Variants in ARHGAP15 observed in about 807,000 individuals in gnomAD.
ARHGAP15 encodes the protein rho GTPase-activating protein 15.
A neutral mutation model predicts 63.7 loss-of-function variants in ARHGAP15; 51 were observed. The ratio of observed to expected loss-of-function variants is 0.80; its 90% CI spans 0.64 to 1.01. The LOEUF (loss-of-function observed/expected upper bound fraction) is 1.01, where lower values mean the gene tolerates loss of function less well. Ranked by LOEUF, ARHGAP15 falls within the 50% of genes least tolerant of loss-of-function variation. ARHGAP15 has a pLI of 0.00. For synonymous variants in ARHGAP15, 191 were observed against 193.8 expected (o/e 0.99, Z 0.12); for missense variants, 560 against 564.6 (o/e 0.99, Z 0.08).
intron 11 of ARHGAP15, chr2:143,608,731 G>T (rs894191348): frequency 6.6e-6 from 1 of 152,078 alleles, no homozygotes; most frequent in African/African-American, 2.4e-5. Flanking sequence ...ATGCAAAAAG[G>T]TTTGAAATAA....
At chr2:143,570,144 T>G (rs1338327357) in intron 11 of ARHGAP15, among the ~76,000 whole-genome samples, 1 of 152,196 alleles carries the variant, frequency 6.6e-6, no homozygotes, top group African/African-American at 2.4e-5. Flanking sequence ...AATGTGTCCC[T>G]TACAACCATC....
intron 6 of ARHGAP15, among the ~76,000 whole-genome samples, chr2:143,353,026 A>G (rs1363977539): frequency 1.3e-5 from 2 of 152,190 alleles, no homozygotes; most frequent in East Asian, 3.8e-4. Flanking sequence ...GACATATAAC[A>G]TTGAACTAGA....
chr2:143,408,145 G>A lies in ARHGAP15; in HGVS notation c.475-27456G>A, dbSNP rs191517213. The stretch of plus-strand genomic sequence containing the variant: ...TGTTCATTAATCTTGGTATAGAAAG[G>A]GTTGATTTCAATTTCAAACTATTTA... On this transcript the variant is annotated intron_variant, in intron 6 of 13. Coordinates refer to ENST00000295095, the MANE Select transcript of ARHGAP15 (RefSeq NM_018460.4). Among the ~76,000 whole-genome samples, 10 of 148,390 alleles carry A rather than the reference G, an allele frequency of 6.7e-5. No individual in the cohort carries two copies. In the South Asian group the frequency reaches 2.1e-3, roughly 31 times the overall value.
chr2:143,729,998 G>T (rs1685454758), intron 13 of ARHGAP15, among the ~76,000 whole-genome samples: 1 of 152,102 alleles, frequency 6.6e-6, no homozygotes, highest in Non-Finnish European at 1.5e-5. Flanking sequence ...ATTAATAGAG[G>T]TCAGGAATTG....
chr2:143,544,769 C>T (rs533242137), intron 10 of ARHGAP15, among the ~76,000 whole-genome samples: 1 of 152,306 alleles, frequency 6.6e-6, no homozygotes, highest in Admixed American at 6.5e-5. Flanking sequence ...TAGAATTGAT[C>T]TGTTCTTCCA....
chr2:143,228,543 G>C (rs1693310210), intron 4 of ARHGAP15, 38 bp from the exon 5 acceptor site: 2 of 1,413,376 alleles, frequency 1.4e-6, no homozygotes, highest in Non-Finnish European at 2.0e-6. Flanking sequence ...TTCTTCAACT[G>C]ATAATGCTTT....
chr2:143,348,376 C>T (rs561067732), intron 6 of ARHGAP15, among the ~76,000 whole-genome samples: 4 of 151,842 alleles, frequency 2.6e-5, no homozygotes, highest in African/African-American at 7.3e-5. Flanking sequence ...CTATTTTTTT[C>T]GAAAGTGCCT....
Position 143,148,892 on chromosome 2 carries a change from A to T in ARHGAP15, c.-14-6585A>T, listed in dbSNP as rs569817069. On this transcript the variant is annotated intron_variant, in intron 1 of 13. Coordinates refer to ENST00000295095, the MANE Select transcript of ARHGAP15 (RefSeq NM_018460.4). ...GGAAAGTGAAATGGAAGGAAACTGA[A>T]ATTAAAATGCTATTTTGGTAAATGG... is the stretch of plus-strand genomic sequence containing the variant. Among the ~76,000 whole-genome samples, 3 of 152,174 alleles carry T rather than the reference A, an allele frequency of 2.0e-5. No individual in the cohort carries two copies. In the South Asian group the frequency reaches 6.2e-4, roughly 31 times the overall value.
intron 9 of ARHGAP15, among the ~76,000 whole-genome samples, chr2:143,492,546 G>T (rs1296579919): frequency 6.6e-6 from 1 of 152,132 alleles, no homozygotes; most frequent in African/African-American, 2.4e-5. Context: ...ACTGCCTGAG[G>T]TCAGGGTTCA....
At chr2:143,680,083 G>C (rs1683032620) in intron 12 of ARHGAP15, among the ~76,000 whole-genome samples, 1 of 144,070 alleles carries the variant, frequency 6.9e-6, no homozygotes, top group Non-Finnish European at 1.5e-5. Flanking sequence ...AAGACAATTT[G>C]CCATGGAGGA....
At chr2:143,281,587 C>T (rs564645918) in intron 6 of ARHGAP15, among the ~76,000 whole-genome samples, 5 of 152,024 alleles carry the variant, frequency 3.3e-5, no homozygotes, top group South Asian at 2.1e-4. Flanking sequence ...TCCCGGGAAA[C>T]GGGCCTAAGA....
Position 143,185,768 on chromosome 2 carries a change from C to T in ARHGAP15, c.166-16366C>T, listed in dbSNP as rs752692938. Among the ~76,000 whole-genome samples, 69 of 152,124 alleles carry T rather than the reference C, an allele frequency of 4.5e-4. 1 individual carries two copies. The highest frequency in any genetic ancestry group is 3.9e-4 in the Admixed American group (6 of 15,266). On this transcript the variant is annotated intron_variant, in intron 2 of 13. Coordinates refer to ENST00000295095, the MANE Select transcript of ARHGAP15 (RefSeq NM_018460.4). ...CCAGGTAAAAGTGCTTTCTCTTAAG[C>T]AGAAATTTTAAATGATGTTTTGTAG...
At chr2:143,397,731 G>T (rs1001253694) in intron 6 of ARHGAP15, among the ~76,000 whole-genome samples, 5 of 152,076 alleles carry the variant, frequency 3.3e-5, no homozygotes, top group Admixed American at 2.0e-4. Flanking sequence ...ACCTGATAAG[G>T]TGCTGGATGT....
rs115656247 is a variant in ARHGAP15, at chr2:143,442,881, C to T, written c.703+5839C>T. The stretch of plus-strand genomic sequence containing the variant: ...AATATACATATTTTCTGATTATGAC[C>T]TGAACCTTTCAAAGAAAGATCAAAT... On this transcript the variant is annotated intron_variant, in intron 8 of 13. Transcript: ENST00000295095. 1.6e-3 allele frequency among the ~76,000 whole-genome samples: 247 copies of T among 152,128 alleles called. 1 individual carries two copies. Among genetic ancestry groups the T allele is most frequent in the African/African-American group, 5.6e-3 (233 of 41,496 alleles).
chr2:143,302,666 C>T (rs1215600623), intron 6 of ARHGAP15, among the ~76,000 whole-genome samples: 1 of 151,922 alleles, frequency 6.6e-6, no homozygotes, highest in Admixed American at 6.6e-5. Context: ...AGTGAACTAT[C>T]CACCCCCGCC....
chr2:143,615,574 A>G (rs1698422452), intron 11 of ARHGAP15, among the ~76,000 whole-genome samples: 2 of 152,186 alleles, frequency 1.3e-5, no homozygotes, highest in East Asian at 1.9e-4. Context: ...AGTAACTTCT[A>G]TATATGCATT....
chr2:143,288,259 C>T (rs1558868507), intron 6 of ARHGAP15, among the ~76,000 whole-genome samples: 3 of 152,186 alleles, frequency 2.0e-5, no homozygotes, highest in African/African-American at 7.2e-5. Context: ...GCACATCCTA[C>T]ACTTCCGAAT....
In ARHGAP15 at chr2:143,437,008, A is replaced by G. The variant is rs1239398197; in HGVS notation, c.669A>G (p.Ile223Met). 1.5e-5 allele frequency: 24 copies of G among 1,604,374 alleles called. No homozygotes were observed. Among genetic ancestry groups the G allele is most frequent in the Non-Finnish European group, 1.9e-5 (22 of 1,177,468 alleles). Residue 223 changes from isoleucine to methionine, a missense_variant, in exon 8 of 14, where the codon ATA (isoleucine) becomes ATG (methionine). Physicochemically the swap from Ile to Met is conservative, Grantham distance 10. Transcript: ENST00000295095. ...TELLSHYDSD[I>M]KEQKPEHRKS... ...TGCTAAGTCACTACGACAGTGATAT[A>G]AAAGAACAGAAACCAGAGCACAGAA...
chr2:143,758,648 C>CATGT (rs934421846), intron 13 of ARHGAP15, among the ~76,000 whole-genome samples: 54 of 152,214 alleles, frequency 3.5e-4, no homozygotes, highest in Admixed American at 1.5e-3. Flanking sequence ...GACTATTTTT[C>CATGT]ATGTATGGCA....
Sources: allele counts gnomAD v4.1 joint callset (sites outside exome capture counted in the v4.1 genomes callset), GRCh38; gene constraint gnomAD v4.1.1; transcripts MANE v1.5; gene names NCBI Gene and HGNC (gene_info 2026-07-23, HGNC 2026-07-21).